The following AAMP variants were observed in gnomAD, a reference collection of about 807,000 sequenced individuals.
AAMP encodes angio associated migratory cell protein.
Under a neutral mutation model 51.1 loss-of-function variants are expected in AAMP, and 12 were observed. The observed-to-expected ratio is 0.23, with a 90% CI of 0.15 to 0.38. The LOEUF (loss-of-function observed/expected upper bound fraction) is 0.38. AAMP is among the 10% of genes least tolerant of loss of function. AAMP has a pLI of 1.00. For missense variants in AAMP, 418 were observed against 557.2 expected, an observed-to-expected ratio of 0.75 and a Z score of 2.52; for synonymous variants, 210 against 218.7, an observed-to-expected ratio of 0.96 and a Z score of 0.35.
rs759155499 is a variant in AAMP, at chr2:218,267,659, T to C, written c.275-46A>G. The stretch of plus-strand genomic sequence containing the variant: ...TGGGTAAGGGGACAGAGCTCCCACC[T>C]AGGGCTCTGTCCTTCACAATCTTCA... On this transcript the variant is annotated intron_variant, in intron 2 of 10. Coordinates refer to ENST00000248450, the MANE Select transcript of AAMP (RefSeq NM_001087.5). This position sits in a 1 kb window ranked among gnomAD's most constrained non-coding sequence, Gnocchi z 4.6. 34 of 1,611,112 alleles carry C rather than the reference T, an allele frequency of 2.1e-5. No homozygotes were observed. Among genetic ancestry groups the C allele is most frequent in the Non-Finnish European group, 2.9e-5 (34 of 1,177,528 alleles).
In AAMP at chr2:218,264,545, C is replaced by G. The variant is rs769736463; in HGVS notation, c.1293G>C (p.Arg431Ser). 6.2e-7 allele frequency: 1 copy of G among 1,614,154 alleles called. No homozygotes were observed. Among genetic ancestry groups the G allele is most frequent in the Non-Finnish European group, 8.5e-7 (1 of 1,179,972 alleles). The part of the protein sequence containing the change: ...DHKAKVFCVQ[R>S]PDR ...GGGGCTGCAGCCATTAACGGTCAGG[C>G]CTTTGGACACAAAATACTTTCGCTT... Residue 431 changes from arginine (R) to serine (S), a missense_variant, in exon 11 of 11, where the codon AGG becomes AGC. Coordinates refer to ENST00000248450, the MANE Select transcript of AAMP (RefSeq NM_001087.5).
intron 2 of AAMP, 92 bp downstream of exon 2, chr2:218,269,290 C>G (rs2106174405): frequency 6.5e-7 from 1 of 1,532,270 alleles, no homozygotes; most frequent in East Asian, 2.3e-5. Flanking sequence ...TTGCCCATCT[C>G]TGTGTCCCCC....
Position 218,269,403 on chromosome 2 carries a change from C to T in AAMP, c.253G>A (p.Val85Ile). 6.2e-7 allele frequency: 1 copy of T among 1,614,148 alleles called. No homozygotes were observed. Reference protein sequence around the residue: ...GSMEGPDDSEVTFALHSASVF... With the variant: ...GSMEGPDDSEITFALHSASVF... ...CTACCTGAGTGCAATGCAAAGGTGA[C>T]CTCGCTATCGTCGGGGCCCTCCATG... Residue 85 changes from valine to isoleucine, a missense_variant, in exon 2 of 11, where the codon GTC becomes ATC. Transcript: ENST00000248450.
chr2:218,267,395 C>A lies in AAMP; in HGVS notation c.394+99G>T. Reference sequence around the variant, plus strand: ...CACAGAGCTGGCACAAAAGAGATGTCACTAAGTGGCTGTTGGATGCACAAC... The same window carrying A: ...CACAGAGCTGGCACAAAAGAGATGTAACTAAGTGGCTGTTGGATGCACAAC... On this transcript the variant is annotated intron_variant, in intron 3 of 10. Coordinates refer to ENST00000248450, the MANE Select transcript of AAMP (RefSeq NM_001087.5). This position sits in a 1 kb window ranked among gnomAD's most constrained non-coding sequence, Gnocchi z 4.6. 6.5e-7 allele frequency: 1 copy of A among 1,531,986 alleles called. No individual in the cohort carries two copies. The highest frequency in any genetic ancestry group is 1.2e-5 in the South Asian group (1 of 83,622). 94.9% of individuals were successfully genotyped at this position (1,531,986 alleles called of 1,614,324 possible). A position where few individuals can be genotyped will look rare whatever the true frequency, so the allele number is the denominator to read the frequency against.
At position 218,266,590 on chromosome 2, in the gene AAMP, G is replaced by A. The variant is rs779831813; in HGVS notation, c.535-3C>T. 50 of 1,610,620 alleles carry A rather than the reference G, an allele frequency of 3.1e-5. No individual in the cohort carries two copies. Among genetic ancestry groups the A allele is most frequent in the Non-Finnish European group, 3.7e-5 (43 of 1,177,768 alleles). ...GCCCGAGGATGCCACTCCATCCACTGGACAGGGAGGAAGGGGCAGCAGGGA... is the reference window on the plus strand; with the variant it reads ...GCCCGAGGATGCCACTCCATCCACTAGACAGGGAGGAAGGGGCAGCAGGGA... On this transcript the variant is annotated splice_region_variant and splice_polypyrimidine_tract_variant and intron_variant, in intron 4 of 10. Transcript: ENST00000248450. The surrounding 1 kb of genome is among the most constrained non-coding windows in gnomAD (Gnocchi z 4.7).
chr2:218,265,317 T>G lies in AAMP; in HGVS notation c.1074+54A>C. ...GGTAGATGCTCCTGGAGGCCTGGGC[T>G]TCCCCACCACTATGGACACAGCCCA... On this transcript the variant is annotated intron_variant, in intron 9 of 10. Transcript: ENST00000248450. The surrounding 1 kb of genome is among the most constrained non-coding windows in gnomAD (Gnocchi z 6.6). 3.3e-6 allele frequency: 5 copies of G among 1,533,088 alleles called. No individual in the cohort carries two copies. The highest frequency in any genetic ancestry group is 4.4e-6 in the Non-Finnish European group (5 of 1,129,006). 95.0% of individuals were successfully genotyped at this position (1,533,088 alleles called of 1,614,324 possible). A position where few individuals can be genotyped will look rare whatever the true frequency, so the allele number is the denominator to read the frequency against.
At position 218,267,623 on chromosome 2, in the gene AAMP, G is replaced by C. The variant is rs1265029106; in HGVS notation, c.275-10C>G. The C allele has an allele frequency of 1.9e-6, 3 of 1,614,138 alleles. No individual in the cohort carries two copies. The highest frequency in any genetic ancestry group is 1.1e-5 in the South Asian group (1 of 91,088). The stretch of plus-strand genomic sequence containing the variant: ...ACACAAAACACAGATGCTGTCCCAA[G>C]AGATATTCCATGGGTAAGGGGACAG... On this transcript the variant is annotated splice_polypyrimidine_tract_variant and intron_variant, in intron 2 of 10. Transcript: ENST00000248450. The surrounding 1 kb of genome is among the most constrained non-coding windows in gnomAD (Gnocchi z 4.6).
rs904872709 is a variant in AAMP at position 218,267,101 on chromosome 2, G to A, written c.395-115C>T. 41 of 1,247,100 alleles carry A rather than the reference G, an allele frequency of 3.3e-5. No individual in the cohort carries two copies. The highest frequency in any genetic ancestry group is 2.7e-4 in the African/African-American group (18 of 66,736). The allele number at this position is 1,247,100 out of a possible 1,614,324, so 77.3% of individuals were successfully genotyped here. On this transcript the variant is annotated intron_variant, in intron 3 of 10. Coordinates refer to ENST00000248450, the MANE Select transcript of AAMP (RefSeq NM_001087.5). The surrounding 1 kb of genome is among the most constrained non-coding windows in gnomAD (Gnocchi z 4.6). ...GACCAGCTAGGAAAAAAAGAGGGGCGGGACTGAGCAGAACAGGTGCTGGAA... is the reference window on the plus strand; with the variant it reads ...GACCAGCTAGGAAAAAAAGAGGGGCAGGACTGAGCAGAACAGGTGCTGGAA...
rs775916963 is a variant in AAMP at position 218,265,958 on chromosome 2, C to T, written c.764-12G>A. 1 of 1,610,392 alleles carries T rather than the reference C, an allele frequency of 6.2e-7. No homozygotes were observed. The highest frequency in any genetic ancestry group is 1.7e-4 in the Middle Eastern group (1 of 6,054). ...GTGACCCTCAGTCCCTAGCATAGAG[C>T]AGGGAGGCAGCTCAGGCTTCGTCCT... is the stretch of plus-strand genomic sequence containing the variant. On this transcript the variant is annotated splice_polypyrimidine_tract_variant and intron_variant, in intron 6 of 10. Coordinates refer to ENST00000248450, the MANE Select transcript of AAMP (RefSeq NM_001087.5). This position sits in a 1 kb window ranked among gnomAD's most constrained non-coding sequence, Gnocchi z 6.6.
rs757942675 is a variant in AAMP at position 218,265,702 on chromosome 2, AGAG to A, written c.880-23_880-21del. On this transcript the variant is annotated intron_variant, in intron 7 of 10. Coordinates refer to ENST00000248450, the MANE Select transcript of AAMP (RefSeq NM_001087.5). The surrounding 1 kb of genome is among the most constrained non-coding windows in gnomAD (Gnocchi z 6.6). ...CACCACCTGAAAGCCAGAGAGGATC[AGAG>A]GAGGACACGGAATCCGGGTGCTTGA... is the stretch of plus-strand genomic sequence containing the variant. The A allele has an allele frequency of 1.2e-6, 2 of 1,608,178 alleles. No homozygotes were observed. The highest frequency in any genetic ancestry group is 1.7e-6 in the Non-Finnish European group (2 of 1,176,704).
rs761248862 is a variant in AAMP, at chr2:218,270,104, T to C, written c.-18A>G. ...GACTCCATGCGGCGCAAGCGGCGGA[T>C]CCACTTCTCTGGGCCCAAACGCCTC... is the stretch of plus-strand genomic sequence containing the variant. On this transcript the variant is annotated 5_prime_UTR_variant, in exon 1 of 11. Transcript: ENST00000248450. 1 of 1,613,148 alleles carries C rather than the reference T, an allele frequency of 6.2e-7. No individual in the cohort carries two copies. The highest frequency in any genetic ancestry group is 1.1e-5 in the South Asian group (1 of 91,062).
intron 1 of AAMP, 36 bp from the exon 2 acceptor site, chr2:218,269,570 G>C (rs1220233601): frequency 1.9e-6 from 3 of 1,613,864 alleles, no homozygotes; most frequent in Non-Finnish European, 1.7e-6. Context: ...TGGGGCTCGG[G>C]AGGCGGTAAG....
chr2:218,269,283 C>T (rs927189581), intron 2 of AAMP, 99 bp downstream of exon 2: 18 of 1,491,580 alleles, frequency 1.2e-5, no homozygotes, highest in Middle Eastern at 2.4e-4. Context: ...CAGCATCTTG[C>T]CCATCTCTGT....
intron 2 of AAMP, among the ~76,000 whole-genome samples, chr2:218,269,025 G>T (rs1401611706): frequency 6.6e-6 from 1 of 152,050 alleles, no homozygotes; most frequent in African/African-American, 2.4e-5. Context: ...TAGAGACTGG[G>T]TTTTGCCATG....
chr2:218,264,172 G>T lies in AAMP; in HGVS notation c.*361C>A, dbSNP rs1244687214. 2 of 353,062 alleles carry T rather than the reference G, an allele frequency of 5.7e-6. No individual in the cohort carries two copies. Among genetic ancestry groups the T allele is most frequent in the Non-Finnish European group, 1.0e-5 (2 of 192,392 alleles). 21.9% of individuals were successfully genotyped at this position (353,062 alleles called of 1,614,324 possible). On this transcript the variant is annotated 3_prime_UTR_variant, in exon 11 of 11. Coordinates refer to ENST00000248450, the MANE Select transcript of AAMP (RefSeq NM_001087.5). ...TTTACATTTTTAAAATCTTTAACTA[G>T]TATCTCTTCCTCCTTTCCACCCCCA...
intron 1 of AAMP, 48 bp from the exon 2 acceptor site, chr2:218,269,582 G>C (rs1355353443): frequency 6.2e-7 from 1 of 1,613,746 alleles, no homozygotes; most frequent in Non-Finnish European, 8.5e-7. Flanking sequence ...GGCGGTAAGA[G>C]GTACGGAGAG....
At position 218,265,916 on chromosome 2, in the gene AAMP, C is replaced by G. The variant is rs747523155; in HGVS notation, c.794G>C (p.Cys265Ser). Reference protein sequence around the residue: ...GTEGHQGPLTCVAANQDGSLI... With the variant: ...GTEGHQGPLTSVAANQDGSLI... ...GCTGCCATCCTGGTTGGCAGCAACACAGGTGAGTGGGCCCTGGTGACCCTC... is the reference window on the plus strand; with the variant it reads ...GCTGCCATCCTGGTTGGCAGCAACAGAGGTGAGTGGGCCCTGGTGACCCTC... Residue 265 changes from cysteine (C) to serine (S), a missense_variant, in exon 7 of 11, where the codon TGT (cysteine) becomes TCT (serine). By Grantham distance (112) the Cys-to-Ser change is moderately radical. Transcript: ENST00000248450. The surrounding 1 kb of genome is among the most constrained non-coding windows in gnomAD (Gnocchi z 6.6). 2 of 1,614,012 alleles carry G rather than the reference C, an allele frequency of 1.2e-6. No homozygotes were observed.
At position 218,267,641 on chromosome 2, in the gene AAMP, G is replaced by C. The variant is rs759751628; in HGVS notation, c.275-28C>G. On this transcript the variant is annotated intron_variant, in intron 2 of 10. Coordinates refer to ENST00000248450, the MANE Select transcript of AAMP (RefSeq NM_001087.5). This position sits in a 1 kb window ranked among gnomAD's most constrained non-coding sequence, Gnocchi z 4.6. ...GTCCCAAGAGATATTCCATGGGTAA[G>C]GGGACAGAGCTCCCACCTAGGGCTC... is the stretch of plus-strand genomic sequence containing the variant. The C allele has an allele frequency of 1.2e-6, 2 of 1,613,984 alleles. No individual in the cohort carries two copies. Among genetic ancestry groups the C allele is most frequent in the East Asian group, 2.2e-5 (1 of 44,878 alleles).
chr2:218,269,315 A>G (rs1690721994), intron 2 of AAMP, 67 bp downstream of exon 2: 1 of 1,596,732 alleles, frequency 6.3e-7, no homozygotes. Flanking sequence ...CGTTCTGTCC[A>G]TGGCTGATGT....
Sources: allele counts gnomAD v4.1 joint callset (sites outside exome capture counted in the v4.1 genomes callset), GRCh38; gene constraint gnomAD v4.1.1; non-coding constraint Gnocchi (gnomAD v3.1); transcripts MANE v1.5; gene names NCBI Gene and HGNC (gene_info 2026-07-23, HGNC 2026-07-21).